Variants in DSCAM observed in about 807,000 individuals in gnomAD.
The protein encoded by DSCAM is cell adhesion molecule DSCAM.
A neutral mutation model predicts 217.7 loss-of-function variants in DSCAM; 47 were observed. The ratio of observed to expected loss-of-function variants is 0.22; its 90% CI spans 0.17 to 0.28. The LOEUF is 0.28. Ranked by LOEUF, DSCAM falls within the 10% of genes least tolerant of loss-of-function variation. The pLI is 1.00. For missense variants in DSCAM, 2,080 were observed against 2,618.3 expected (o/e 0.79, Z 4.49); for synonymous variants, 1,056 against 1,015.3 (o/e 1.04, Z -0.76).
chr21:40,696,544 GT>G (rs2090597456), intron 2 of DSCAM, among the ~76,000 whole-genome samples: 1 of 152,158 alleles, frequency 6.6e-6, no homozygotes, highest in Non-Finnish European at 1.5e-5. Flanking sequence ...TCCCACTCTT[GT>G]TTCTGTGAAT....
chr21:40,337,490 ATTGTTTT>A (rs1241552289), intron 8 of DSCAM, among the ~76,000 whole-genome samples: 1 of 152,064 alleles, frequency 6.6e-6, no homozygotes, highest in Non-Finnish European at 1.5e-5. Flanking sequence ...TGATCACCTT[ATTGTTTT>A]TTTCTGGTAA....
intron 16 of DSCAM, among the ~76,000 whole-genome samples, chr21:40,161,388 C>A (rs1352227975): frequency 6.6e-6 from 1 of 151,222 alleles, no homozygotes; most frequent in Non-Finnish European, 1.5e-5. Flanking sequence ...ATTTAGTCAC[C>A]TAGGGCTTTC....
intron 20 of DSCAM, among the ~76,000 whole-genome samples, chr21:40,111,706 A>G (rs1384557039): frequency 6.6e-6 from 1 of 152,196 alleles, no homozygotes; most frequent in Admixed American, 6.5e-5. Flanking sequence ...GCTCAAAATA[A>G]AGGGTTGGAG....
intron 11 of DSCAM, among the ~76,000 whole-genome samples, chr21:40,269,893 A>G (rs1346666771): frequency 2.0e-5 from 3 of 152,242 alleles, no homozygotes; most frequent in Non-Finnish European, 4.4e-5. Context: ...ATATGGTCAT[A>G]TAAGGTACTG....
intron 11 of DSCAM, among the ~76,000 whole-genome samples, chr21:40,222,910 G>C (rs914364778): frequency 6.6e-6 from 1 of 152,194 alleles, no homozygotes; most frequent in African/African-American, 2.4e-5. Context: ...ATACTGATCT[G>C]TATTAAAGAT....
chr21:40,070,165 A>T (rs1034730375), intron 27 of DSCAM, among the ~76,000 whole-genome samples: 8 of 151,866 alleles, frequency 5.3e-5, no homozygotes, highest in African/African-American at 1.9e-4. Flanking sequence ...AGAAACCAAG[A>T]CAGAAAGAAA....
intron 1 of DSCAM, among the ~76,000 whole-genome samples, chr21:40,719,040 C>T (rs371452463): frequency 3.3e-5 from 5 of 151,992 alleles, no homozygotes; most frequent in African/African-American, 1.2e-4. Context: ...CACTTGAGCC[C>T]CAGAATTGGA....
intron 3 of DSCAM, among the ~76,000 whole-genome samples, chr21:40,399,040 G>A (rs1406578623): frequency 6.6e-6 from 1 of 152,196 alleles, no homozygotes; most frequent in Admixed American, 6.5e-5. Flanking sequence ...GTAGGCTAAG[G>A]CAGGCAAGTA....
chr21:40,760,119 G>A (rs538311745), intron 1 of DSCAM, among the ~76,000 whole-genome samples: 10 of 151,930 alleles, frequency 6.6e-5, no homozygotes, highest in South Asian at 2.1e-4. Flanking sequence ...TCAGCCTCCC[G>A]AGTAGCTGGG....
chr21:40,413,988 A>C (rs1316574405), intron 3 of DSCAM, among the ~76,000 whole-genome samples: 1 of 152,256 alleles, frequency 6.6e-6, no homozygotes, highest in Non-Finnish European at 1.5e-5. Flanking sequence ...GAAGTAGCTC[A>C]TAGACCTAAA....
chr21:40,043,937 G>A (rs999251559), intron 31 of DSCAM, 141 bp downstream of exon 31: 34 of 849,380 alleles, frequency 4.0e-5, no homozygotes, highest in Middle Eastern at 7.2e-4. Flanking sequence ...GATAAACCGC[G>A]TAACAATTTG....
chr21:40,077,015 C>T (rs2089374918), intron 26 of DSCAM, among the ~76,000 whole-genome samples: 1 of 152,154 alleles, frequency 6.6e-6, no homozygotes, highest in Non-Finnish European at 1.5e-5. Context: ...TGCTCCTCTG[C>T]CTCTGGGTGA....
At chr21:40,593,601 C>A (rs1034696552) in intron 3 of DSCAM, among the ~76,000 whole-genome samples, 3 of 152,196 alleles carry the variant, frequency 2.0e-5, no homozygotes, top group African/African-American at 7.2e-5. Flanking sequence ...CCACCTTGGC[C>A]TCCCAAAGTG....
intron 3 of DSCAM, among the ~76,000 whole-genome samples, chr21:40,545,904 G>C (rs1324639125): frequency 6.6e-6 from 1 of 152,346 alleles, no homozygotes; most frequent in African/African-American, 2.4e-5. Flanking sequence ...GGAACAGAAA[G>C]TCAGGTCCAG....
intron 3 of DSCAM, among the ~76,000 whole-genome samples, chr21:40,633,318 G>A (rs1323260481): frequency 1.3e-5 from 2 of 152,152 alleles, no homozygotes. Context: ...GTGGTCCTGA[G>A]AGGAAGGCGG....
intron 3 of DSCAM, among the ~76,000 whole-genome samples, chr21:40,692,383 A>T (rs528921219): frequency 6.6e-6 from 1 of 152,276 alleles, no homozygotes; most frequent in Non-Finnish European, 1.5e-5. Context: ...ATACAACATA[A>T]CTCTCAAGAC....
rs567706093 is a variant in DSCAM, at chr21:40,070,458, A to T, written c.4888+4579T>A. Among the ~76,000 whole-genome samples, 9 of 152,238 alleles carry T rather than the reference A, an allele frequency of 5.9e-5. No individual in the cohort carries two copies. The South Asian group carries it at 1.9e-3, about 32-fold the overall frequency. ...AAGACAAAGAGAAAGAAAGAAAGAA[A>T]ACACAAAGCACAGAACTAAAGAGTT... On this transcript the variant is annotated intron_variant, in intron 27 of 32. Transcript: ENST00000400454.
intron 15 of DSCAM, among the ~76,000 whole-genome samples, chr21:40,177,011 C>T (rs961264621): frequency 6.6e-6 from 1 of 152,154 alleles, no homozygotes; most frequent in Admixed American, 6.5e-5. Flanking sequence ...ATGCTGTTTT[C>T]CCGAGGAGGT....
chr21:40,026,188 G>A (rs1438649378), intron 32 of DSCAM, among the ~76,000 whole-genome samples: 2 of 141,696 alleles, frequency 1.4e-5, no homozygotes, highest in Admixed American at 1.4e-4. Context: ...GATTTTGAGT[G>A]AGATTCTTAA....
Sources: gnomAD v4.1 joint callset for allele counts (sites outside exome capture counted in the v4.1 genomes callset) on GRCh38, gnomAD v4.1.1 for gene constraint, MANE v1.5 for transcripts, NCBI Gene and HGNC (gene_info 2026-07-23, HGNC 2026-07-21) for gene names.